H6PD: variants seen among roughly 807,000 people sequenced by gnomAD.
H6PD encodes hexose-6-phosphate dehydrogenase/glucose 1-dehydrogenase, also known as GDH/6PGL endoplasmic bifunctional protein.
In H6PD, 48 loss-of-function variants were observed where a neutral mutation model predicts 61.2. That is an observed-to-expected ratio of 0.78 (90% CI 0.62 to 1.00). H6PD has a LOEUF of 1.00. H6PD is among the 50% of genes least tolerant of loss of function. The pLI is 0.00. For missense variants in H6PD, 1,093 were observed against 1,065.0 expected (o/e 1.03, Z -0.37); for synonymous variants, 480 against 457.9 (o/e 1.05, Z -0.62).
intron 3 of H6PD, among the ~76,000 whole-genome samples, chr1:9,249,933 C>G (rs905038147): frequency 3.9e-5 from 6 of 152,206 alleles, no homozygotes; most frequent in African/African-American, 1.4e-4. Context: ...CTGCCTCTCT[C>G]AATTTTGTGT....
Position 9,254,952 on chromosome 1 carries a change from C to T in H6PD, c.746-7107C>T, listed in dbSNP as rs1040871551. On this transcript the variant is annotated intron_variant, in intron 3 of 4. Coordinates refer to ENST00000377403, the MANE Select transcript of H6PD (RefSeq NM_004285.4). The surrounding 1 kb of genome is among the most constrained non-coding windows in gnomAD (Gnocchi z 4.6). ...TCTGGATATTTTGTACATATAGGATCATACGGTGTGTGGTTTCCATCAGTT... is the reference window on the plus strand; with the variant it reads ...TCTGGATATTTTGTACATATAGGATTATACGGTGTGTGGTTTCCATCAGTT... Among the ~76,000 whole-genome samples, 1 of 152,224 alleles carries T rather than the reference C, an allele frequency of 6.6e-6. No homozygotes were observed. The highest frequency in any genetic ancestry group is 1.5e-5 in the Non-Finnish European group (1 of 68,050).
chr1:9,260,050 GTGTTA>G (rs1368846423), intron 3 of H6PD, among the ~76,000 whole-genome samples: 1 of 150,540 alleles, frequency 6.6e-6, no homozygotes, highest in African/African-American at 2.5e-5. Context: ...TGTTATGCTG[GTGTTA>G]TGTTGTTACT....
rs550005185 is a variant in H6PD, at chr1:9,264,200, T to G, written c.1707T>G (p.Asn569Lys). ...AGGAGCTGATCTCTAAGCTGGCTAA[T>G]GACATCGAGGCCACCGCTGTGCGAG... The part of the protein sequence containing the change: ...WSEELISKLA[N>K]DIEATAVRAV... Residue 569 changes from asparagine (N) to lysine (K), a missense_variant, in exon 5 of 5, where the codon AAT (asparagine) becomes AAG (lysine). Transcript: ENST00000377403. 2 of 1,611,338 alleles carry G rather than the reference T, an allele frequency of 1.2e-6. No homozygotes were observed. Among genetic ancestry groups the G allele is most frequent in the Non-Finnish European group, 8.5e-7 (1 of 1,178,772 alleles).
intron 3 of H6PD, 49 bp downstream of exon 3, chr1:9,247,132 C>A: frequency 8.0e-7 from 1 of 1,253,356 alleles, no homozygotes; most frequent in Non-Finnish European, 1.2e-6. Context: ...TGCCTGCCCG[C>A]TGTCTGCGGT....
At chr1:9,260,666 T>C (rs1417410908) in intron 3 of H6PD, among the ~76,000 whole-genome samples, 2 of 152,146 alleles carry the variant, frequency 1.3e-5, no homozygotes, top group Non-Finnish European at 2.9e-5. Context: ...GGTGTTGTTA[T>C]GTTGTTGTTA....
chr1:9,244,262 GCT>G (rs1252706651), intron 1 of H6PD, among the ~76,000 whole-genome samples: 3 of 152,174 alleles, frequency 2.0e-5, no homozygotes, highest in East Asian at 3.8e-4. Context: ...ACAACTCTGT[GCT>G]GTAGGTACCG....
intron 3 of H6PD, among the ~76,000 whole-genome samples, chr1:9,256,731 G>A (rs1325930856): frequency 6.6e-6 from 1 of 152,190 alleles, no homozygotes; most frequent in African/African-American, 2.4e-5. Flanking sequence ...AAGAGATACA[G>A]AACTATGGTA....
intron 3 of H6PD, among the ~76,000 whole-genome samples, chr1:9,261,256 A>G (rs1638278943): frequency 6.6e-6 from 1 of 152,070 alleles, no homozygotes; most frequent in South Asian, 2.1e-4. Flanking sequence ...TCTTCGCCTT[A>G]TCCTGCAAGA....
chr1:9,258,216 T>C (rs1322352388), intron 3 of H6PD, among the ~76,000 whole-genome samples: 1 of 152,076 alleles, frequency 6.6e-6, no homozygotes, highest in Admixed American at 6.5e-5. Context: ...AGTGTTGTTA[T>C]GTTGCTGTTG....
At chr1:9,243,123 C>T (rs1641049354) in intron 1 of H6PD, 1 of 267,044 alleles carries the variant, frequency 3.7e-6, no homozygotes, top group African/African-American at 2.3e-5. Flanking sequence ...TGGTTGGGTC[C>T]TCACCTTGGG....
At chr1:9,241,984 A>T (rs1447330966) in intron 1 of H6PD, among the ~76,000 whole-genome samples, 1 of 152,198 alleles carries the variant, frequency 6.6e-6, no homozygotes. Flanking sequence ...AGGTATTATT[A>T]TTGGATTCAG....
Position 9,254,724 on chromosome 1 carries a change from T to C in H6PD, c.746-7335T>C, listed in dbSNP as rs1641463655. Among the ~76,000 whole-genome samples the C allele has an allele frequency of 6.6e-6, 1 of 152,232 alleles. No individual in the cohort carries two copies. The highest frequency in any genetic ancestry group is 1.5e-5 in the Non-Finnish European group (1 of 68,050). On this transcript the variant is annotated intron_variant, in intron 3 of 4. Coordinates refer to ENST00000377403, the MANE Select transcript of H6PD (RefSeq NM_004285.4). The surrounding 1 kb of genome is among the most constrained non-coding windows in gnomAD (Gnocchi z 4.6). ...TTATTGAGCTGTAACTCACAAATCC[T>C]ACTACACTTTACCCAGTTAAGGTGG...
Position 9,249,665 on chromosome 1 carries a change from C to A in H6PD, c.745+2582C>A, listed in dbSNP as rs11809790. On this transcript the variant is annotated intron_variant, in intron 3 of 4. Transcript: ENST00000377403. ...CAGCGCAGGACAGGCAGTGGGAGAT[C>A]CACTAGTCCTGGAGGCTTGCAGCCT... is the stretch of plus-strand genomic sequence containing the variant. Among the ~76,000 whole-genome samples, 733 of 152,316 alleles carry A rather than the reference C, an allele frequency of 4.8e-3. 10 individuals carry two copies. The highest frequency in any genetic ancestry group is 0.017 in the African/African-American group (690 of 41,562).
At position 9,263,874 on chromosome 1, in the gene H6PD, C is replaced by T. The variant is rs1174481389; in HGVS notation, c.1381C>T (p.Leu461Phe). 2 of 1,613,998 alleles carry T rather than the reference C, an allele frequency of 1.2e-6. No individual in the cohort carries two copies. The highest frequency in any genetic ancestry group is 1.7e-6 in the Non-Finnish European group (2 of 1,180,030). ...PVRERDAHSV[L>F]LSHIFHGRKN... ...GCGGGAGCGGGACGCCCACTCCGTC[C>T]TCTTATCCCATATCTTCCATGGCCG... The change falls in exon 5 of 5, where the codon CTC (leucine) becomes TTC (phenylalanine). Residue 461 changes from leucine (L) to phenylalanine (F), a missense_variant. By Grantham distance (22) the Leu-to-Phe change is conservative. Transcript: ENST00000377403.
intron 3 of H6PD, among the ~76,000 whole-genome samples, chr1:9,250,766 G>A (rs564555208): frequency 1.3e-5 from 2 of 152,184 alleles, no homozygotes; most frequent in African/African-American, 2.4e-5. Flanking sequence ...TGCAGGCCCC[G>A]GGAAAGGGAC....
chr1:9,246,972 G>T lies in H6PD; in HGVS notation c.634G>T (p.Ala212Ser), dbSNP rs535002824. Residue 212 changes from alanine (A) to serine (S), a missense_variant, in exon 3 of 5, where the codon GCG becomes TCG. Coordinates refer to ENST00000377403, the MANE Select transcript of H6PD (RefSeq NM_004285.4). ...VDHYLGKQAV[A>S]QILPFRDQNR... is the part of the protein sequence containing the mutation. ...AGTCTTCCCCCCCCGACAGGCTGTG[G>T]CGCAGATCCTGCCTTTCCGAGACCA... The T allele has an allele frequency of 1.5e-4, 236 of 1,611,078 alleles. No individual in the cohort carries two copies. The highest frequency in any genetic ancestry group is 7.6e-6 in the Non-Finnish European group (9 of 1,177,222).
Position 9,245,120 on chromosome 1 carries a change from C to T in H6PD, c.186C>T (p.Phe62=), listed in dbSNP as rs116196265. 1.4e-3 allele frequency: 2,233 copies of T among 1,614,200 alleles called. 25 individuals carry two copies. In the African/African-American group the frequency reaches 0.026, roughly 19 times the overall value. ...CGGGGAGGGGTCACAGTTTTAGCTT[C>T]CATGGAGCTGCTCTGACAGCCCCCA... ...DEAGRGHSFS[F]HGAALTAPKQ... The change falls in exon 2 of 5, where the codon TTC becomes TTT. Residue 62 remains phenylalanine, a synonymous_variant. Transcript: ENST00000377403. This position sits in a 1 kb window ranked among gnomAD's most constrained non-coding sequence, Gnocchi z 4.8.
At chr1:9,239,053 G>T (rs1268433423) in intron 1 of H6PD, among the ~76,000 whole-genome samples, 1 of 146,804 alleles carries the variant, frequency 6.8e-6, no homozygotes, top group African/African-American at 2.5e-5. Context: ...TAATTTAATG[G>T]TTTTTTTTTT....
chr1:9,253,979 G>A (rs550952914), intron 3 of H6PD, among the ~76,000 whole-genome samples: 101 of 152,316 alleles, frequency 6.6e-4, no homozygotes, highest in Admixed American at 1.9e-3. Flanking sequence ...TGTAAGGGAG[G>A]TGCGGGGATT....
Sources: gnomAD v4.1 joint callset for allele counts (sites outside exome capture counted in the v4.1 genomes callset) on GRCh38, gnomAD v4.1.1 for gene constraint, Gnocchi (gnomAD v3.1) non-coding constraint, MANE v1.5 for transcripts, NCBI Gene and HGNC (gene_info 2026-07-23, HGNC 2026-07-21) for gene names.